DHX8: variants seen among roughly 807,000 people sequenced by gnomAD.
DHX8 encodes the protein ATP-dependent RNA helicase DHX8.
In DHX8, 67 loss-of-function variants were observed where a neutral mutation model predicts 140.7. The observed-to-expected ratio is 0.48, with a 90% CI of 0.39 to 0.58. The LOEUF is 0.58. Ranked by LOEUF, DHX8 falls within the 20% of genes least tolerant of loss-of-function variation. The probability of loss-of-function intolerance (pLI) is 0.00; values close to 1 mark genes in which losing one functional copy is unlikely to be tolerated. For synonymous variants in DHX8, 533 were observed against 553.2 expected, an observed-to-expected ratio of 0.96 and a Z score of 0.51; for missense variants, 887 against 1,550.7, an observed-to-expected ratio of 0.57 and a Z score of 7.19.
In DHX8 at chr17:43,489,457, G is replaced by C. The variant is rs765875230; in HGVS notation, c.157G>C (p.Val53Leu). ...GINDKDLAEF[V>L]ISLAEKNTTF... The stretch of plus-strand genomic sequence containing the variant: ...CTGTTTCTTATTTGCAGCTGAATTT[G>C]TGATCAGTCTTGCTGAGAAAAATAC... The change falls in exon 2 of 23, where the codon GTG becomes CTG. Residue 53 changes from valine to leucine, a missense_variant. Physicochemically the swap from Val to Leu is conservative, Grantham distance 32. Around this residue, in one of 9 missense-constraint regions of DHX8, gnomAD observed 304 missense variants for 306.9 expected, o/e 0.99. Coordinates refer to ENST00000262415, the MANE Select transcript of DHX8 (RefSeq NM_004941.3). 47 of 1,603,520 alleles carry C rather than the reference G, an allele frequency of 2.9e-5. No homozygotes were observed. The highest frequency in any genetic ancestry group is 3.9e-5 in the Non-Finnish European group (46 of 1,175,122).
At chr17:43,532,304 T>A (rs1214816793) in intron 2 of DHX8, among the ~76,000 whole-genome samples, 1 of 152,074 alleles carries the variant, frequency 6.6e-6, no homozygotes, top group Non-Finnish European at 1.5e-5. Flanking sequence ...TTCGAGACCA[T>A]CCTGGCCAGC....
chr17:43,505,709 A>G lies in DHX8; in HGVS notation c.1728+884A>G, dbSNP rs978316141. Among the ~76,000 whole-genome samples, 9 of 152,204 alleles carry G rather than the reference A, an allele frequency of 5.9e-5. No homozygotes were observed. The South Asian group carries it at 1.9e-3, about 32-fold the overall frequency. Reference sequence around the variant, plus strand: ...GACCAACAGCTCTGTTCAGTAATTAAAAATGAGGATACTCAGTCAATAAAC... The same window carrying G: ...GACCAACAGCTCTGTTCAGTAATTAGAAATGAGGATACTCAGTCAATAAAC... On this transcript the variant is annotated intron_variant, in intron 12 of 22. Transcript: ENST00000262415.
chr17:43,532,554 AGTG>A, intron 2 of DHX8: 1 of 904,940 alleles, frequency 1.1e-6, no homozygotes, highest in Non-Finnish European at 1.7e-6. Flanking sequence ...GAAGAAAAAA[AGTG>A]GGTGGGTGGG....
chr17:43,500,919 A>T (rs1035996559), intron 11 of DHX8, among the ~76,000 whole-genome samples: 2 of 152,074 alleles, frequency 1.3e-5, no homozygotes, highest in African/African-American at 2.4e-5. Flanking sequence ...CAAAAAAAAA[A>T]TTTTTATTCT....
intron 11 of DHX8, among the ~76,000 whole-genome samples, chr17:43,503,356 A>G (rs1054588384): frequency 6.6e-6 from 1 of 151,752 alleles, no homozygotes; most frequent in African/African-American, 2.4e-5. Flanking sequence ...AAATTAACAG[A>G]TGTGGTGGCA....
intron 1 of DHX8, 131 bp downstream of exon 1, chr17:43,484,316 C>T (rs1220921072): frequency 5.3e-6 from 6 of 1,138,628 alleles, no homozygotes; most frequent in Non-Finnish European, 5.0e-6. Context: ...GTCGCAGACA[C>T]CGGTGCCCAG....
At chr17:43,535,905 AT>A (rs1270819901) in intron 2 of DHX8, among the ~76,000 whole-genome samples, 1 of 152,140 alleles carries the variant, frequency 6.6e-6, no homozygotes, top group Non-Finnish European at 1.5e-5. Context: ...AAGGTCAGGA[AT>A]TCGAGACCAT....
At chr17:43,535,684 T>C (rs1310537832) in intron 2 of DHX8, among the ~76,000 whole-genome samples, 1 of 152,212 alleles carries the variant, frequency 6.6e-6, no homozygotes, top group Non-Finnish European at 1.5e-5. Flanking sequence ...CTTTTAGCAG[T>C]ATCCCTGGCC....
At chr17:43,518,022 G>C (rs1484124799) in intron 18 of DHX8, 2 of 152,134 alleles carry the variant, frequency 1.3e-5, no homozygotes, top group African/African-American at 4.8e-5. Context: ...CAACAGAGAG[G>C]CATCTGTGGC....
At chr17:43,510,014 C>T (rs564211466) in intron 16 of DHX8, among the ~76,000 whole-genome samples, 1 of 151,552 alleles carries the variant, frequency 6.6e-6, no homozygotes, top group African/African-American at 2.4e-5. Flanking sequence ...CCATGTTGCC[C>T]AGATTGGAAT....
chr17:43,521,310 T>TATG (rs1970365471), intron 20 of DHX8, 59 bp from the exon 21 acceptor site: 1 of 1,439,818 alleles, frequency 6.9e-7, no homozygotes, highest in Non-Finnish European at 9.5e-7. Flanking sequence ...CTAGAATTGC[T>TATG]CCATGTTCAG....
intron 1 of DHX8, among the ~76,000 whole-genome samples, 158 bp downstream of exon 1, chr17:43,484,343 G>A (rs1307010219): frequency 1.3e-5 from 2 of 152,150 alleles, no homozygotes; most frequent in Non-Finnish European, 2.9e-5. Context: ...CGCTGCCGTG[G>A]CCTCGGCTTG....
At chr17:43,525,955 A>G, downstream of DHX8, 2 of 985,382 alleles carry the variant, frequency 2.0e-6, no homozygotes, top group Non-Finnish European at 2.4e-6. Context: ...AGGGTTCGTT[A>G]TCTTTTCTGG....
intron 5 of DHX8, 134 bp from the exon 6 acceptor site, chr17:43,492,547 G>A (rs147677354): frequency 6.2e-6 from 4 of 645,202 alleles, no homozygotes; most frequent in African/African-American, 5.5e-5. Flanking sequence ...GGATGTCGTA[G>A]TTATTGAAAC....
Position 43,490,452 on chromosome 17 carries a change from C to T in DHX8, c.296C>T (p.Ser99Phe). 1 of 1,613,682 alleles carries T rather than the reference C, an allele frequency of 6.2e-7. No individual in the cohort carries two copies. The highest frequency in any genetic ancestry group is 8.5e-7 in the Non-Finnish European group (1 of 1,179,782). ...ACCATGCGGCCTCCAGCGAAGCCTT[C>T]CACTAGCAAAGGTAAGCAGAGCTTC... Reference protein sequence around the residue: ...IQTMRPPAKPSTSKDPVVKPK... With the variant: ...IQTMRPPAKPFTSKDPVVKPK... Residue 99 changes from serine (S) to phenylalanine (F), a missense_variant, in exon 3 of 23, where the codon TCC becomes TTC. Physicochemically the swap from Ser to Phe is radical, Grantham distance 155. Transcript: ENST00000262415.
intron 16 of DHX8, among the ~76,000 whole-genome samples, chr17:43,510,172 C>A (rs1443932309): frequency 6.6e-6 from 1 of 152,104 alleles, no homozygotes; most frequent in Non-Finnish European, 1.5e-5. Flanking sequence ...CCTCAGCCTC[C>A]CGAGTAGCTG....
chr17:43,506,730 AC>A (rs1969514829), intron 12 of DHX8, among the ~76,000 whole-genome samples: 1 of 152,066 alleles, frequency 6.6e-6, no homozygotes, highest in Non-Finnish European at 1.5e-5. Flanking sequence ...CTTGGCTGTT[AC>A]AAACAACGTA....
intron 1 of DHX8, among the ~76,000 whole-genome samples, 162 bp downstream of exon 1, chr17:43,484,347 C>T (rs1967996275): frequency 6.6e-6 from 1 of 152,150 alleles, no homozygotes; most frequent in African/African-American, 2.4e-5. Flanking sequence ...GCCGTGGCCT[C>T]GGCTTGAGAG....
chr17:43,489,362 T>C (rs1567673688), intron 1 of DHX8, 87 bp from the exon 2 acceptor site: 1 of 889,164 alleles, frequency 1.1e-6, no homozygotes, highest in Non-Finnish European at 1.8e-6. Flanking sequence ...TACTGTTGGA[T>C]AACCTAATTA....
Sources: allele counts gnomAD v4.1 joint callset (sites outside exome capture counted in the v4.1 genomes callset), GRCh38; gene constraint gnomAD v4.1.1; regional missense constraint gnomAD v4.1.1; transcripts MANE v1.5; gene names NCBI Gene and HGNC (gene_info 2026-07-23, HGNC 2026-07-21).